The following EPHA5 variants were observed in gnomAD, a reference collection of about 807,000 sequenced individuals.
EPHA5 encodes the protein ephrin type-A receptor 5.
In EPHA5, 60 loss-of-function variants were observed where a neutral mutation model predicts 105.0. The observed-to-expected ratio is 0.57, with a 90% CI of 0.46 to 0.71. The LOEUF is 0.71. Among genes scored for constraint, EPHA5 ranks in the 30% least tolerant of loss-of-function variants. The probability of loss-of-function intolerance (pLI) is 0.00; values close to 1 mark genes in which losing one functional copy is unlikely to be tolerated. For synonymous variants in EPHA5, 513 were observed against 449.1 expected (o/e 1.14, Z -1.80); for missense variants, 1,218 against 1,274.7 (o/e 0.96, Z 0.68).
At chr4:65,447,876 TATA>T (rs1277418782) in intron 5 of EPHA5, among the ~76,000 whole-genome samples, 1 of 151,900 alleles carries the variant, frequency 6.6e-6, no homozygotes, top group African/African-American at 2.4e-5. Flanking sequence ...ACATGAAAGA[TATA>T]ATGAGAAAAC....
At chr4:65,484,748 C>T (rs1291676972) in intron 5 of EPHA5, among the ~76,000 whole-genome samples, 1 of 151,828 alleles carries the variant, frequency 6.6e-6, no homozygotes, top group Non-Finnish European at 1.5e-5. Context: ...TTAGAAATTC[C>T]TAGTGTAAAA....
At chr4:65,542,650 G>A (rs1262220345) in intron 3 of EPHA5, among the ~76,000 whole-genome samples, 1 of 151,832 alleles carries the variant, frequency 6.6e-6, no homozygotes, top group Non-Finnish European at 1.5e-5. Context: ...GTACAAAGAG[G>A]AGCTGGCACC....
rs751892970 is a variant in EPHA5 at position 65,404,377 on chromosome 4, C to T, written c.1790G>A (p.Gly597Glu). Residue 597 changes from glycine to glutamate, a missense_variant, in exon 8 of 17, where the codon GGA becomes GAA. Around this residue, in one of 3 missense-constraint regions of EPHA5, gnomAD observed 971 missense variants for 1,013.5 expected, o/e 0.96. Transcript: ENST00000613740. The stretch of plus-strand genomic sequence containing the variant: ...GAATCACAGCTTCCTCTCTTACCTT[C>T]CACTGAGGAGGACGCCGATAACCAC... The part of the protein sequence containing the change: ...LAVVIGVLLS[G>E]RRCGYSKAKQ... 1.9e-6 allele frequency: 3 copies of T among 1,612,372 alleles called. No homozygotes were observed. Among genetic ancestry groups the T allele is most frequent in the Non-Finnish European group, 8.5e-7 (1 of 1,178,642 alleles).
chr4:65,591,103 T>C (rs1328121877), intron 3 of EPHA5, among the ~76,000 whole-genome samples: 2 of 152,114 alleles, frequency 1.3e-5, no homozygotes, highest in Non-Finnish European at 2.9e-5. Context: ...AAATTTTTAT[T>C]AAGGTGATGA....
intron 15 of EPHA5, among the ~76,000 whole-genome samples, chr4:65,335,458 G>A (rs1459723170): frequency 6.6e-6 from 1 of 151,906 alleles, no homozygotes; most frequent in Admixed American, 6.6e-5. Flanking sequence ...AACTGGATAA[G>A]AGCAAAAGGG....
chr4:65,505,077 G>A (rs774172507), intron 3 of EPHA5, among the ~76,000 whole-genome samples: 4 of 151,928 alleles, frequency 2.6e-5, no homozygotes, highest in African/African-American at 4.8e-5. Flanking sequence ...TAAGTATTTG[G>A]TTACATATTT....
chr4:65,658,649 A>G (rs1749276994), intron 1 of EPHA5, among the ~76,000 whole-genome samples: 1 of 152,058 alleles, frequency 6.6e-6, no homozygotes, highest in South Asian at 2.1e-4. Context: ...TCTAAGCCAT[A>G]TTGTTATAAT....
chr4:65,352,727 T>G (rs1265860473), intron 12 of EPHA5, among the ~76,000 whole-genome samples: 1 of 151,896 alleles, frequency 6.6e-6, no homozygotes, highest in African/African-American at 2.4e-5. Context: ...CTTTTTTCCC[T>G]TTTTACATTT....
At chr4:65,565,452 G>C (rs952343580) in intron 3 of EPHA5, among the ~76,000 whole-genome samples, 1 of 151,706 alleles carries the variant, frequency 6.6e-6, no homozygotes, top group East Asian at 1.9e-4. Context: ...ATGTTTTTCA[G>C]TAAAATTTAA....
At chr4:65,534,222 T>C (rs1317335173) in intron 3 of EPHA5, among the ~76,000 whole-genome samples, 2 of 152,246 alleles carry the variant, frequency 1.3e-5, no homozygotes, top group Admixed American at 1.3e-4. Flanking sequence ...AATTGAAAAT[T>C]AAATTTTATT....
At chr4:65,594,556 T>C (rs1308145367) in intron 3 of EPHA5, among the ~76,000 whole-genome samples, 2 of 152,196 alleles carry the variant, frequency 1.3e-5, no homozygotes, top group East Asian at 3.8e-4. Flanking sequence ...CTCAAGACTT[T>C]CACTAGCATA....
chr4:65,464,691 T>A (rs1728445336), intron 5 of EPHA5, among the ~76,000 whole-genome samples: 1 of 152,130 alleles, frequency 6.6e-6, no homozygotes, highest in Admixed American at 6.5e-5. Flanking sequence ...AATAATTCTA[T>A]CTGGAAAACA....
At chr4:65,365,298 AAAAC>A (rs142880919) in intron 10 of EPHA5, 96 bp from the exon 11 acceptor site, 30,534 of 958,276 alleles carry the variant, frequency 0.032, 1,160 homozygotes, top group African/African-American at 0.14. Context: ...CTTAGATGAA[AAAAC>A]AAACAAACAA....
intron 2 of EPHA5, among the ~76,000 whole-genome samples, chr4:65,615,615 T>C (rs2149466516): frequency 6.6e-6 from 1 of 151,924 alleles, no homozygotes; most frequent in South Asian, 2.1e-4. Context: ...GCTGAGAAAG[T>C]ACAGAAAATA....
chr4:65,528,752 T>C (rs932368701), intron 3 of EPHA5, among the ~76,000 whole-genome samples: 1 of 152,180 alleles, frequency 6.6e-6, no homozygotes, highest in Non-Finnish European at 1.5e-5. Flanking sequence ...GAAAGTGGCC[T>C]GAAGCGGACA....
intron 2 of EPHA5, among the ~76,000 whole-genome samples, chr4:65,604,726 T>C (rs1466676369): frequency 1.6e-5 from 2 of 128,072 alleles, no homozygotes; most frequent in African/African-American, 5.3e-5. Flanking sequence ...AAATCAGGTA[T>C]GTAAAAAAAA....
At chr4:65,521,720 A>T (rs1407887458) in intron 3 of EPHA5, among the ~76,000 whole-genome samples, 1 of 152,060 alleles carries the variant, frequency 6.6e-6, no homozygotes, top group African/African-American at 2.4e-5. Context: ...GGTCCTAATC[A>T]TTTGAGTCAG....
intron 3 of EPHA5, among the ~76,000 whole-genome samples, chr4:65,594,553 C>A (rs865841100): frequency 1.4e-4 from 22 of 152,172 alleles, no homozygotes; most frequent in Admixed American, 2.6e-4. Context: ...AACCTCAAGA[C>A]TTTCACTAGC....
chr4:65,348,723 ATGTG>A (rs1722495175), intron 13 of EPHA5, among the ~76,000 whole-genome samples: 1 of 122,986 alleles, frequency 8.1e-6, no homozygotes, highest in Non-Finnish European at 1.7e-5. Context: ...GTGTATATAT[ATGTG>A]TGTGTATATA....
Sources: gnomAD v4.1 joint callset for allele counts (sites outside exome capture counted in the v4.1 genomes callset) on GRCh38, gnomAD v4.1.1 for gene constraint, gnomAD v4.1.1 regional missense constraint, MANE v1.5 for transcripts, NCBI Gene and HGNC (gene_info 2026-07-23, HGNC 2026-07-21) for gene names.